Variants in SUGCT observed in about 807,000 individuals in gnomAD.
The protein encoded by SUGCT is succinyl-CoA:glutarate-CoA transferase.
In SUGCT, 41 loss-of-function variants were observed where a neutral mutation model predicts 55.0. The observed-to-expected ratio is 0.74, with a 90% CI of 0.58 to 0.97. SUGCT has a LOEUF of 0.97. Among genes scored for constraint, SUGCT ranks in the 50% least tolerant of loss-of-function variants. The pLI is 0.00. For synonymous variants in SUGCT, 187 were observed against 200.4 expected, an observed-to-expected ratio of 0.93 and a Z score of 0.56; for missense variants, 568 against 547.8, an observed-to-expected ratio of 1.04 and a Z score of -0.37.
the SUGCT span, among the ~76,000 whole-genome samples, chr7:40,935,117 A>G: frequency 6.6e-6 from 1 of 152,246 alleles, no homozygotes; most frequent in Non-Finnish European, 1.5e-5. Context: ...AAGATAATAT[A>G]GAAAACATGG....
At chr7:41,024,600 A>G in the SUGCT span, among the ~76,000 whole-genome samples, 1 of 151,176 alleles carries the variant, frequency 6.6e-6, no homozygotes, top group African/African-American at 2.4e-5. Context: ...TAATCTCATT[A>G]GTGACAGGGA....
At chr7:40,985,927 G>C in the SUGCT span, among the ~76,000 whole-genome samples, 3 of 152,150 alleles carry the variant, frequency 2.0e-5, no homozygotes, top group Admixed American at 2.0e-4. Context: ...AAAAATGAAA[G>C]CCATGAGGCT....
intron 9 of SUGCT, among the ~76,000 whole-genome samples, chr7:40,423,888 A>G (rs1458455459): frequency 6.6e-6 from 1 of 152,160 alleles, no homozygotes; most frequent in East Asian, 1.9e-4. Flanking sequence ...TTTAAAACAC[A>G]TTACAACTGG....
At chr7:40,202,985 A>G (rs1344803904) in intron 6 of SUGCT, among the ~76,000 whole-genome samples, 1 of 152,124 alleles carries the variant, frequency 6.6e-6, no homozygotes, top group Non-Finnish European at 1.5e-5. Context: ...TGCCTTTGGT[A>G]TTCTTTCAGA....
chr7:40,753,141 A>C (rs1042450599), intron 13 of SUGCT, among the ~76,000 whole-genome samples: 2 of 152,232 alleles, frequency 1.3e-5, no homozygotes, highest in Non-Finnish European at 2.9e-5. Flanking sequence ...CCACATAAAC[A>C]GGACAAGAGT....
chr7:40,206,601 T>C (rs1161611573), intron 6 of SUGCT, among the ~76,000 whole-genome samples: 1 of 152,216 alleles, frequency 6.6e-6, no homozygotes, highest in Non-Finnish European at 1.5e-5. Context: ...TATGAGGGAT[T>C]AGTTCCAGGA....
intron 9 of SUGCT, among the ~76,000 whole-genome samples, chr7:40,369,686 A>G (rs998314852): frequency 3.3e-5 from 5 of 152,212 alleles, no homozygotes; most frequent in African/African-American, 1.2e-4. Context: ...GATTAGGATT[A>G]ATGTCAGAGA....
chr7:40,172,278 A>G (rs1784713808), intron 1 of SUGCT, among the ~76,000 whole-genome samples: 1 of 152,082 alleles, frequency 6.6e-6, no homozygotes, highest in Non-Finnish European at 1.5e-5. Context: ...ATCTTACACA[A>G]TGGGAGAGGA....
At chr7:40,793,776 T>G (rs112596748) in intron 13 of SUGCT, among the ~76,000 whole-genome samples, 169 of 152,252 alleles carry the variant, frequency 1.1e-3, no homozygotes, top group African/African-American at 3.8e-3. Flanking sequence ...AGCTGTATGT[T>G]AACCCTGATT....
intron 13 of SUGCT, among the ~76,000 whole-genome samples, chr7:40,846,474 A>G (rs1793562774): frequency 6.6e-6 from 1 of 152,028 alleles, no homozygotes; most frequent in Admixed American, 6.5e-5. Context: ...GGGAGACAGC[A>G]TGTTTACTAA....
the SUGCT span, among the ~76,000 whole-genome samples, chr7:40,957,579 G>T: frequency 6.6e-6 from 1 of 151,146 alleles, no homozygotes; most frequent in Admixed American, 6.6e-5. Context: ...CACACTGATG[G>T]GTCTTGACTC....
chr7:40,459,913 T>G (rs113849496), intron 11 of SUGCT, among the ~76,000 whole-genome samples: 4 of 152,336 alleles, frequency 2.6e-5, no homozygotes, highest in South Asian at 2.1e-4. Flanking sequence ...TTGTTTGCCT[T>G]TACATGTCTT....
chr7:40,310,804 A>C (rs1310627002), intron 8 of SUGCT, among the ~76,000 whole-genome samples: 1 of 152,182 alleles, frequency 6.6e-6, no homozygotes, highest in African/African-American at 2.4e-5. Context: ...TGGCATTTAA[A>C]TTGGCTCTAG....
intron 11 of SUGCT, among the ~76,000 whole-genome samples, chr7:40,463,008 G>A (rs1789888167): frequency 6.6e-6 from 1 of 151,992 alleles, no homozygotes; most frequent in Non-Finnish European, 1.5e-5. Flanking sequence ...TTAAAATGTG[G>A]TTTGCCAGCC....
At chr7:40,135,232 G>C in intron 1 of SUGCT, 112 bp downstream of exon 1, 1 of 1,303,950 alleles carries the variant, frequency 7.7e-7, no homozygotes, top group Non-Finnish European at 1.0e-6. Flanking sequence ...ACCCCTTAGC[G>C]GTGGCTTTGC....
intron 12 of SUGCT, among the ~76,000 whole-genome samples, chr7:40,661,305 C>T (rs1271376048): frequency 1.3e-5 from 2 of 152,140 alleles, no homozygotes; most frequent in African/African-American, 4.8e-5. Flanking sequence ...AAACCAACCG[C>T]TTCAGTTTTT....
chr7:40,493,307 A>G (rs1791796046), intron 11 of SUGCT, among the ~76,000 whole-genome samples: 1 of 152,222 alleles, frequency 6.6e-6, no homozygotes, highest in Admixed American at 6.5e-5. Flanking sequence ...TTGACAAAAT[A>G]TAGACTAAAC....
chr7:40,919,088 C>G, the SUGCT span, among the ~76,000 whole-genome samples: 1 of 152,332 alleles, frequency 6.6e-6, no homozygotes, highest in East Asian at 1.9e-4. Flanking sequence ...TCTTTCCTCT[C>G]TACTCATTCT....
the SUGCT span, among the ~76,000 whole-genome samples, chr7:40,983,565 C>G: frequency 6.6e-6 from 1 of 152,192 alleles, no homozygotes; most frequent in African/African-American, 2.4e-5. Flanking sequence ...CTTCTGTTCT[C>G]CCACTCCTTT....
Sources: gnomAD v4.1 joint callset for allele counts (sites outside exome capture counted in the v4.1 genomes callset) on GRCh38, gnomAD v4.1.1 for gene constraint, MANE v1.5 for transcripts, NCBI Gene and HGNC (gene_info 2026-07-23, HGNC 2026-07-21) for gene names.